Variants in MTAP observed in about 807,000 individuals in gnomAD.
MTAP encodes the protein methylthioadenosine phosphorylase.
In MTAP, 33 loss-of-function variants were observed where a neutral mutation model predicts 33.6. The observed-to-expected ratio is 0.98, with a 90% CI of 0.74 to 1.31. The LOEUF (loss-of-function observed/expected upper bound fraction) is 1.31, where lower values mean the gene tolerates loss of function less well. Among genes scored for constraint, MTAP ranks in the 40% most tolerant of loss-of-function variants. MTAP has a pLI of 0.00. For missense variants in MTAP, 367 were observed against 360.0 expected (o/e 1.02, Z -0.16); for synonymous variants, 148 against 125.7 (o/e 1.18, Z -1.19).
chr9:21,876,218 T>G (rs962766859), intron 1 of MTAP, among the ~76,000 whole-genome samples: 2 of 149,452 alleles, frequency 1.3e-5, no homozygotes, highest in African/African-American at 4.9e-5. Context: ...TTAAATGGGG[T>G]TTTTTTTTCT....
At chr9:21,924,084 C>G (rs1054422921) in intron 1 of MTAP, among the ~76,000 whole-genome samples, 1 of 152,154 alleles carries the variant, frequency 6.6e-6, no homozygotes, top group African/African-American at 2.4e-5. Flanking sequence ...TTGGGTATTT[C>G]CTCTGTTCTC....
At chr9:21,913,464 A>T (rs962119926) in intron 1 of MTAP, among the ~76,000 whole-genome samples, 6 of 152,206 alleles carry the variant, frequency 3.9e-5, no homozygotes, top group Admixed American at 2.6e-4. Context: ...GAGCCCATGG[A>T]AATAATAACA....
At chr9:21,874,808 A>G (rs1157584245) in intron 1 of MTAP, among the ~76,000 whole-genome samples, 3 of 151,384 alleles carry the variant, frequency 2.0e-5, no homozygotes, top group Non-Finnish European at 4.4e-5. Flanking sequence ...TCAACCCGTC[A>G]TCTACATTAG....
intron 1 of MTAP, among the ~76,000 whole-genome samples, chr9:21,812,724 G>A (rs947724104): frequency 6.6e-6 from 1 of 152,178 alleles, no homozygotes; most frequent in African/African-American, 2.4e-5. Flanking sequence ...TCATGAACTT[G>A]ACCTCTCTGA....
At chr9:21,824,445 C>T (rs1253089388) in intron 4 of MTAP, among the ~76,000 whole-genome samples, 1 of 152,166 alleles carries the variant, frequency 6.6e-6, no homozygotes, top group East Asian at 1.9e-4. Flanking sequence ...ATGTTCCTGC[C>T]TGATTGTTCC....
chr9:21,815,542 C>A, intron 2 of MTAP, 23 bp downstream of exon 2: 5 of 1,412,566 alleles, frequency 3.5e-6, no homozygotes, highest in East Asian at 2.3e-5. Context: ...CTTGTGGAGA[C>A]ATGTTTTTTA....
At chr9:21,907,742 GA>G (rs35506217) in intron 1 of MTAP, among the ~76,000 whole-genome samples, 1 of 151,504 alleles carries the variant, frequency 6.6e-6, no homozygotes, top group Non-Finnish European at 1.5e-5. Context: ...TAAGTCACAA[GA>G]AAAAATTTTA....
chr9:21,930,840 C>T (rs1022468659), intron 1 of MTAP: 1 of 667,828 alleles, frequency 1.5e-6, no homozygotes, highest in Admixed American at 2.4e-5. Context: ...CTCCAGCTTA[C>T]AAGAACAAGC....
chr9:21,864,687 A>G lies in MTAP; in HGVS notation c.*2673A>G. 1 of 985,350 alleles carries G rather than the reference A, an allele frequency of 1.0e-6. No homozygotes were observed. The highest frequency in any genetic ancestry group is 1.2e-6 in the Non-Finnish European group (1 of 829,966). The allele number at this position is 985,350 out of a possible 1,614,324, so 61.0% of individuals were successfully genotyped here. A position where few individuals can be genotyped will look rare whatever the true frequency, so the allele number is the denominator to read the frequency against. On this transcript the variant is annotated 3_prime_UTR_variant, in exon 8 of 8. Coordinates refer to ENST00000644715, the MANE Select transcript of MTAP (RefSeq NM_002451.4). ...GGAGGTAGCTACCATGGCTTGTTTC[A>G]AGGAAGGAAACTCTGGTACGGTGGC... is the stretch of plus-strand genomic sequence containing the variant.
At chr9:21,826,630 A>G (rs971211488) in intron 4 of MTAP, among the ~76,000 whole-genome samples, 19 of 148,508 alleles carry the variant, frequency 1.3e-4, no homozygotes, top group Admixed American at 2.0e-4. Context: ...TATTATTATT[A>G]TTATTATTAT....
At chr9:21,802,921 C>A in intron 1 of MTAP, 140 bp downstream of exon 1, 1 of 1,441,530 alleles carries the variant, frequency 6.9e-7, no homozygotes, top group Non-Finnish European at 9.0e-7. Context: ...GGGCGCGGCA[C>A]TCGGGACTCA....
chr9:21,898,722 G>C (rs1194631591), intron 1 of MTAP, among the ~76,000 whole-genome samples: 1 of 152,112 alleles, frequency 6.6e-6, no homozygotes, highest in African/African-American at 2.4e-5. Flanking sequence ...TCATTAAAAA[G>C]TCAGGAAACA....
intron 5 of MTAP, among the ~76,000 whole-genome samples, chr9:21,847,474 T>C (rs911509326): frequency 5.3e-5 from 8 of 152,198 alleles, no homozygotes; most frequent in African/African-American, 1.2e-4. Context: ...ATAACACCAA[T>C]AGTCCTTGAC....
chr9:21,835,221 G>C lies in MTAP; in HGVS notation c.348-2687G>C, dbSNP rs574205086. Reference sequence around the variant, plus strand: ...AGATCTGCCTAATCACCTCCAAAAGGCTCCATCTCCTAATACCATCACATC... The same window carrying C: ...AGATCTGCCTAATCACCTCCAAAAGCCTCCATCTCCTAATACCATCACATC... On this transcript the variant is annotated intron_variant, in intron 4 of 7. Transcript: ENST00000644715. 1.3e-4 allele frequency among the ~76,000 whole-genome samples: 20 copies of C among 152,212 alleles called. No individual in the cohort carries two copies. In the South Asian group the frequency reaches 2.7e-3, roughly 21 times the overall value.
chr9:21,835,194 A>G (rs1005678138), intron 4 of MTAP, among the ~76,000 whole-genome samples: 2 of 152,194 alleles, frequency 1.3e-5, no homozygotes, highest in Non-Finnish European at 2.9e-5. Flanking sequence ...CCCAATCATG[A>G]GAGATCTGCC....
At chr9:21,833,582 A>G (rs1228896251) in intron 4 of MTAP, among the ~76,000 whole-genome samples, 1 of 152,166 alleles carries the variant, frequency 6.6e-6, no homozygotes, top group African/African-American at 2.4e-5. Context: ...TTCTTGGGAT[A>G]TATTTTAAAT....
intron 1 of MTAP, among the ~76,000 whole-genome samples, chr9:21,905,875 A>T (rs902200774): frequency 6.6e-6 from 1 of 152,352 alleles, no homozygotes; most frequent in East Asian, 1.9e-4. Context: ...GCAAAGGGAG[A>T]TGACAACACT....
chr9:21,892,579 A>G (rs189673063), intron 1 of MTAP: 4 of 152,370 alleles, frequency 2.6e-5, no homozygotes, highest in Admixed American at 1.3e-4. Flanking sequence ...ATTATCCTAA[A>G]TATATATGCA....
downstream of MTAP, among the ~76,000 whole-genome samples, chr9:21,940,589 C>A (rs10965189): frequency 0.042 from 6,455 of 152,186 alleles, 182 homozygotes; most frequent in Middle Eastern, 0.071. Context: ...TGAGGGTTCC[C>A]TTGACCTCTT....
Sources: gnomAD v4.1 joint callset for allele counts (sites outside exome capture counted in the v4.1 genomes callset) on GRCh38, gnomAD v4.1.1 for gene constraint, MANE v1.5 for transcripts, NCBI Gene and HGNC (gene_info 2026-07-23, HGNC 2026-07-21) for gene names.